Variants in TPST1 observed in about 807,000 individuals in gnomAD.
TPST1 encodes protein-tyrosine sulfotransferase 1.
TPST1 carries 20 observed loss-of-function variants against 34.8 expected under a neutral mutation model. That is an observed-to-expected ratio of 0.57 (90% CI 0.40 to 0.84). The LOEUF (loss-of-function observed/expected upper bound fraction) is 0.84. Ranked by LOEUF, TPST1 falls within the 40% of genes least tolerant of loss-of-function variation. TPST1 has a pLI of 0.00. For synonymous variants in TPST1, 152 were observed against 159.4 expected (o/e 0.95, Z 0.35); for missense variants, 353 against 455.5 (o/e 0.78, Z 2.05).
intron 1 of TPST1, among the ~76,000 whole-genome samples, chr7:66,221,127 C>T (rs1487736115): frequency 4.2e-5 from 6 of 143,374 alleles, no homozygotes; most frequent in Non-Finnish European, 6.2e-5. Flanking sequence ...AGTGAGACTC[C>T]GTCTTAAAAA....
chr7:66,268,396 A>G (rs1790633242), intron 2 of TPST1, among the ~76,000 whole-genome samples: 1 of 152,218 alleles, frequency 6.6e-6, no homozygotes, highest in Non-Finnish European at 1.5e-5. Flanking sequence ...GAAATCTACT[A>G]TATGACTCAA....
At position 66,300,814 on chromosome 7, in the gene TPST1, C is replaced by T. The variant is rs1403325972; in HGVS notation, c.1044+14105C>T. On this transcript the variant is annotated intron_variant, in intron 3 of 5. Coordinates refer to ENST00000304842, the MANE Select transcript of TPST1 (RefSeq NM_003596.4). ...TACAAAAATTAGCTGGGTGTGGTGG[C>T]GCATGTGTGTAATCCCAGCCACTCA... 5.3e-5 allele frequency among the ~76,000 whole-genome samples: 8 copies of T among 151,842 alleles called. No individual in the cohort carries two copies. The East Asian group carries it at 7.7e-4, about 15-fold the overall frequency.
At chr7:66,255,662 C>T (rs1386649924) in intron 2 of TPST1, among the ~76,000 whole-genome samples, 3 of 152,166 alleles carry the variant, frequency 2.0e-5, no homozygotes, top group Non-Finnish European at 2.9e-5. Context: ...CAGAAGATCT[C>T]CAAGGCTAAA....
At chr7:66,356,415 G>A (rs1311202468) in intron 4 of TPST1, among the ~76,000 whole-genome samples, 1 of 152,176 alleles carries the variant, frequency 6.6e-6, no homozygotes, top group Non-Finnish European at 1.5e-5. Context: ...TATTTATGCA[G>A]GCAAGATTGA....
intron 2 of TPST1, among the ~76,000 whole-genome samples, chr7:66,279,218 A>G (rs1330661775): frequency 5.9e-5 from 9 of 152,328 alleles, no homozygotes; most frequent in South Asian, 2.1e-4. Context: ...TTCGCTTAGG[A>G]TAATGGCCTC....
At chr7:66,345,548 A>G (rs1389705684) in intron 3 of TPST1, among the ~76,000 whole-genome samples, 1 of 151,150 alleles carries the variant, frequency 6.6e-6, no homozygotes, top group Non-Finnish European at 1.5e-5. Context: ...CCAGGCACCT[A>G]GGCATATCAT....
the TPST1 span, among the ~76,000 whole-genome samples, chr7:66,199,673 G>A: frequency 2.0e-5 from 3 of 150,102 alleles, no homozygotes; most frequent in East Asian, 2.0e-4. Context: ...TGCCAGACCC[G>A]AGAATGAAAA....
At chr7:66,261,481 G>A (rs1023964145) in intron 2 of TPST1, among the ~76,000 whole-genome samples, 1 of 151,988 alleles carries the variant, frequency 6.6e-6, no homozygotes, top group Non-Finnish European at 1.5e-5. Flanking sequence ...TGATAGATTA[G>A]TGCTCACCTT....
In TPST1 at chr7:66,246,192, T is replaced by A. The variant is rs1051254742; in HGVS notation, c.845+4922T>A. ...CATGCCTGGCTAATTTTTTTTTTTT[T>A]TTTTTTTTTTTTTTTTGGTGGAGAC... On this transcript the variant is annotated intron_variant, in intron 2 of 5. Coordinates refer to ENST00000304842, the MANE Select transcript of TPST1 (RefSeq NM_003596.4). Among the ~76,000 whole-genome samples the A allele has an allele frequency of 8.5e-4, 123 of 144,262 alleles. 1 individual carries two copies. In the South Asian group the frequency reaches 0.013, roughly 16 times the overall value. 94.6% of individuals were successfully genotyped at this position (144,262 alleles called of 152,430 possible). A position where few individuals can be genotyped will look rare whatever the true frequency, so the allele number is the denominator to read the frequency against.
At chr7:66,220,526 C>T (rs1348248618) in intron 1 of TPST1, among the ~76,000 whole-genome samples, 3 of 152,006 alleles carry the variant, frequency 2.0e-5, no homozygotes, top group Non-Finnish European at 4.4e-5. Context: ...GAAAGCTGCG[C>T]AGGAAAGATG....
intron 3 of TPST1, among the ~76,000 whole-genome samples, chr7:66,293,174 C>G (rs1194641775): frequency 6.6e-6 from 1 of 151,250 alleles, no homozygotes; most frequent in Admixed American, 6.6e-5. Context: ...CCACTGCACT[C>G]CAGCCTGGAT....
At chr7:66,211,031 G>A (rs1432447931) in intron 1 of TPST1, among the ~76,000 whole-genome samples, 5 of 141,812 alleles carry the variant, frequency 3.5e-5, no homozygotes, top group Admixed American at 7.2e-5. Flanking sequence ...TGCCTTTGTT[G>A]ACATAGTTTC....
intron 3 of TPST1, among the ~76,000 whole-genome samples, chr7:66,329,306 A>C (rs1002351040): frequency 6.6e-6 from 1 of 151,960 alleles, no homozygotes; most frequent in Admixed American, 6.6e-5. Flanking sequence ...ATTTTTTCCA[A>C]TTTTTTATAG....
At chr7:66,341,214 C>G in intron 3 of TPST1, among the ~76,000 whole-genome samples, 1 of 152,282 alleles carries the variant, frequency 6.6e-6, no homozygotes, top group African/African-American at 2.4e-5. Flanking sequence ...GCTATGGTAA[C>G]CAAAACACCA....
chr7:66,351,961 A>T (rs539854882), intron 3 of TPST1, among the ~76,000 whole-genome samples: 1 of 152,296 alleles, frequency 6.6e-6, no homozygotes, highest in Admixed American at 6.5e-5. Flanking sequence ...TTATATATTA[A>T]AGCATAGGTT....
At position 66,209,058 on chromosome 7, in the gene TPST1, G is replaced by A. The variant is rs973369732; in HGVS notation, c.-102+3536G>A. ...AGCATTTTGGGAGACTGAGGCAGAC[G>A]GATCAAGACCATCAAGACCAGCCCG... On this transcript the variant is annotated intron_variant, in intron 1 of 5. Coordinates refer to ENST00000304842, the MANE Select transcript of TPST1 (RefSeq NM_003596.4). Among the ~76,000 whole-genome samples, 4 of 152,098 alleles carry A rather than the reference G, an allele frequency of 2.6e-5. No homozygotes were observed. In the South Asian group the frequency reaches 6.2e-4, roughly 24 times the overall value.
At chr7:66,200,023 C>T in the TPST1 span, among the ~76,000 whole-genome samples, 2 of 152,194 alleles carry the variant, frequency 1.3e-5, no homozygotes, top group African/African-American at 4.8e-5. Context: ...AGCCACTGCG[C>T]GGGGCCTGTG....
At chr7:66,232,646 C>T (rs374639845) in intron 1 of TPST1, among the ~76,000 whole-genome samples, 35 of 152,244 alleles carry the variant, frequency 2.3e-4, no homozygotes, top group Middle Eastern at 3.4e-3. Context: ...CATGAGCCAC[C>T]GCGCCCGGCC....
In TPST1 at chr7:66,240,350, CT is replaced by C. The variant is rs1562809648; in HGVS notation, c.-75del. 6.6e-7 allele frequency: 1 copy of C among 1,504,416 alleles called. No homozygotes were observed. Among genetic ancestry groups the C allele is most frequent in the Non-Finnish European group, 8.9e-7 (1 of 1,121,262 alleles). The allele number at this position is 1,504,416 out of a possible 1,614,324, so 93.2% of individuals were successfully genotyped here. A position where few individuals can be genotyped will look rare whatever the true frequency, so the allele number is the denominator to read the frequency against. On this transcript the variant is annotated 5_prime_UTR_variant, in exon 2 of 6. An upstream open reading frame in the 5' UTR gains an earlier in-frame stop. Coordinates refer to ENST00000304842, the MANE Select transcript of TPST1 (RefSeq NM_003596.4). ...ATGTTGGTTATCTTTCTGAAGTAGA[CT>C]GTCCATGGCCTGAACATTTTCCGAA...
Sources: allele counts gnomAD v4.1 joint callset (sites outside exome capture counted in the v4.1 genomes callset), GRCh38; gene constraint gnomAD v4.1.1; transcripts MANE v1.5; gene names NCBI Gene and HGNC (gene_info 2026-07-23, HGNC 2026-07-21).